Variants in WDR45 observed in about 807,000 individuals in gnomAD.
WDR45 encodes the protein WD repeat domain phosphoinositide-interacting protein 4.
In WDR45, 2 loss-of-function variants were observed where a neutral mutation model predicts 27.3. That is an observed-to-expected ratio of 0.07 (90% confidence interval 0.03 to 0.23). WDR45 has a LOEUF of 0.23. Among genes scored for constraint, WDR45 ranks in the 10% least tolerant of loss-of-function variants. WDR45 has a pLI of 1.00. For synonymous variants in WDR45, 99 were observed against 119.2 expected (o/e 0.83, Z 1.11); for missense variants, 175 against 311.9 (o/e 0.56, Z 3.31).
chrX:49,084,776 G>A (rs188650585), upstream of WDR45, among the ~76,000 whole-genome samples: 4 of 109,640 alleles, frequency 3.6e-5, no homozygotes, highest in East Asian at 5.7e-4. Flanking sequence ...CTGGGGTTAC[G>A]GGCACCTGCC....
At chrX:49,092,053 G>A (rs1298956406) in intron 2 of WDR45, among the ~76,000 whole-genome samples, 8 of 96,790 alleles carry the variant, frequency 8.3e-5, no homozygotes, top group Admixed American at 6.2e-4. Flanking sequence ...CCCGGGAGGC[G>A]GAGGTTGCAG....
intron 2 of WDR45, among the ~76,000 whole-genome samples, chrX:49,093,395 C>T (rs1176125967): frequency 9.0e-6 from 1 of 110,601 alleles, no homozygotes; most frequent in Non-Finnish European, 1.9e-5. Context: ...CAATTCTCTT[C>T]CCTGGGATTA....
Position 49,076,770 on chromosome X carries a change from G to A in WDR45, c.236-20C>T, listed in dbSNP as rs782643743. ...TCAGCACTGCTGGGCAGGTGGGTGG[G>A]TTGTCGGGGCCAAGGTTTAGGGTAA... On this transcript the variant is annotated intron_variant, in intron 4 of 10. Transcript: ENST00000376372. 21 of 1,171,445 alleles carry A rather than the reference G, an allele frequency of 1.8e-5. No individual in the cohort carries two copies. Among genetic ancestry groups the A allele is most frequent in the Non-Finnish European group, 2.0e-5 (17 of 867,470 alleles).
upstream of WDR45, among the ~76,000 whole-genome samples, chrX:49,083,567 AC>A (rs2065076704): frequency 2.7e-5 from 3 of 110,347 alleles, no homozygotes; most frequent in South Asian, 1.1e-3. Flanking sequence ...GGTGTCACAT[AC>A]TGCTTATCCA....
At chrX:49,090,657 C>A (rs2065101297) in intron 2 of WDR45, among the ~76,000 whole-genome samples, 1 of 111,154 alleles carries the variant, frequency 9.0e-6, no homozygotes, top group African/African-American at 3.3e-5. Context: ...CCTGCCTCAG[C>A]CTCCCAAGTG....
Position 49,098,507 on chromosome X carries a change from G to GA in WDR45, c.-18+1697dup, listed in dbSNP as rs11374043. Among the ~76,000 whole-genome samples, 17 of 75,281 alleles carry GA rather than the reference G, an allele frequency of 2.3e-4. No homozygotes were observed. In the East Asian group the frequency reaches 3.5e-3, roughly 15 times the overall value. 65.4% of individuals were successfully genotyped at this position (75,281 alleles called of 115,157 possible). ...GGAGAACCTATCTTAAAAAAAAAAA[G>GA]AAAAAAAAAAGGTAATAAAGGCTGG... On this transcript the variant is annotated intron_variant, in intron 2 of 11. Coordinates refer to the WDR45 transcript ENST00000356463.
intron 2 of WDR45, among the ~76,000 whole-genome samples, chrX:49,085,510 A>T (rs1204550224): frequency 8.9e-6 from 1 of 112,672 alleles, no homozygotes; most frequent in Non-Finnish European, 1.9e-5. Flanking sequence ...GATAAGAATT[A>T]AAAAAGACCC....
intron 4 of WDR45, chrX:49,077,150 C>T (rs1159128993): frequency 3.6e-5 from 7 of 192,760 alleles, no homozygotes; most frequent in African/African-American, 1.8e-4. Context: ...AGGGCAACTC[C>T]TGCCTTGTCC....
chrX:49,095,393 A>C (rs938372294), intron 2 of WDR45, among the ~76,000 whole-genome samples: 1 of 108,687 alleles, frequency 9.2e-6, no homozygotes, highest in Admixed American at 1.0e-4. Context: ...GTAATCCCAG[A>C]ACTTTGGGAG....
chrX:49,075,815 C>T (rs1165142640), intron 7 of WDR45, 51 bp downstream of exon 7: 1 of 1,197,033 alleles, frequency 8.4e-7, no homozygotes, highest in African/African-American at 1.8e-5. Flanking sequence ...CAAGAGTCCA[C>T]AAGGAAGCCA....
At chrX:49,090,359 G>A (rs782018463) in intron 2 of WDR45, among the ~76,000 whole-genome samples, 8 of 111,316 alleles carry the variant, frequency 7.2e-5, no homozygotes, top group Admixed American at 2.9e-4. Flanking sequence ...CACCACACCC[G>A]GCCCAAAATA....
upstream of WDR45, among the ~76,000 whole-genome samples, chrX:49,081,056 GC>G (rs1316305411): frequency 1.9e-5 from 2 of 107,184 alleles, no homozygotes; most frequent in Non-Finnish European, 1.9e-5. Flanking sequence ...ACAGGCATGT[GC>G]CACCACGCCC....
intron 4 of WDR45, chrX:49,077,327 A>G (rs1939062684): frequency 3.2e-6 from 1 of 309,880 alleles, no homozygotes; most frequent in Non-Finnish European, 5.8e-6. Flanking sequence ...AAAGATGGGG[A>G]TAATGATCCT....
At chrX:49,088,487 A>C (rs1557086241) in intron 2 of WDR45, among the ~76,000 whole-genome samples, 4 of 111,780 alleles carry the variant, frequency 3.6e-5, no homozygotes, top group African/African-American at 1.3e-4. Flanking sequence ...GGCAAGGAAA[A>C]AGTGAAGGCT....
chrX:49,074,588 C>T lies in WDR45; in HGVS notation c.*215G>A. On this transcript the variant is annotated 3_prime_UTR_variant, in exon 11 of 11. Transcript: ENST00000376372. ...GGTTAGGGATCCCAAGGGGTCGCTG[C>T]CTTCCTGGGTCTCTGGCCTGGCCCT... 2.4e-6 allele frequency: 1 copy of T among 412,232 alleles called. No individual in the cohort carries two copies. Among genetic ancestry groups the T allele is most frequent in the Non-Finnish European group, 4.2e-6 (1 of 238,211 alleles). 34.0% of individuals were successfully genotyped at this position (412,232 alleles called of 1,213,427 possible). A position where few individuals can be genotyped will look rare whatever the true frequency, so the allele number is the denominator to read the frequency against.
At chrX:49,076,013 C>G in intron 6 of WDR45, 68 bp from the exon 7 acceptor site, 1 of 925,256 alleles carries the variant, frequency 1.1e-6, no homozygotes, top group Non-Finnish European at 1.5e-6. Flanking sequence ...ATGGACAGAG[C>G]TGGATGAGGA....
chrX:49,098,451 G>A (rs1306998715), intron 2 of WDR45, among the ~76,000 whole-genome samples: 1 of 104,175 alleles, frequency 9.6e-6, no homozygotes, highest in Non-Finnish European at 1.9e-5. Context: ...AGTCAAGACC[G>A]TGCCACTAAA....
chrX:49,099,597 C>T (rs1290947589), intron 2 of WDR45, among the ~76,000 whole-genome samples: 1 of 109,197 alleles, frequency 9.2e-6, no homozygotes, highest in Non-Finnish European at 1.9e-5. Context: ...CTGGCTAACA[C>T]GGTGAAACCC....
In WDR45 at chrX:49,091,046, A is replaced by C. The variant is rs1192926814; in HGVS notation, c.-18+9159T>G. On this transcript the variant is annotated intron_variant, in intron 2 of 11. Transcript: ENST00000356463. Reference sequence around the variant, plus strand: ...CACCGTGTTAGCCAGGATAGCCTCAATCTCCTGACCTCGTGATCCGCCCGC... The same window carrying C: ...CACCGTGTTAGCCAGGATAGCCTCACTCTCCTGACCTCGTGATCCGCCCGC... Among the ~76,000 whole-genome samples, 3 of 108,007 alleles carry C rather than the reference A, an allele frequency of 2.8e-5. No individual in the cohort carries two copies. The Admixed American group carries it at 3.0e-4, about 11-fold the overall frequency. 93.8% of individuals were successfully genotyped at this position (108,007 alleles called of 115,157 possible). A position where few individuals can be genotyped will look rare whatever the true frequency, so the allele number is the denominator to read the frequency against.
Sources: allele counts gnomAD v4.1 joint callset (sites outside exome capture counted in the v4.1 genomes callset), GRCh38; gene constraint gnomAD v4.1.1; transcripts MANE v1.5; gene names NCBI Gene and HGNC (gene_info 2026-07-23, HGNC 2026-07-21).